The following PRKX variants were observed in gnomAD, a reference collection of about 807,000 sequenced individuals.
The protein encoded by PRKX is cAMP-dependent protein kinase catalytic subunit PRKX.
PRKX carries 12 observed loss-of-function variants against 22.0 expected under a neutral mutation model. The observed-to-expected ratio is 0.54, with a 90% CI of 0.35 to 0.88. The LOEUF is 0.88. PRKX is among the 40% of genes least tolerant of loss of function. PRKX has a pLI of 0.01. For synonymous variants in PRKX, 134 were observed against 137.7 expected (o/e 0.97, Z 0.19); for missense variants, 217 against 308.0 (o/e 0.70, Z 2.21).
chrX:3,609,707 C>T (rs1485906820), intron 8 of PRKX, among the ~76,000 whole-genome samples: 1 of 111,448 alleles, frequency 9.0e-6, no homozygotes, highest in Non-Finnish European at 1.9e-5. Flanking sequence ...CCTCCCAACT[C>T]GGCCTCCCAA....
At chrX:3,704,100 G>A (rs1389251957) in intron 1 of PRKX, among the ~76,000 whole-genome samples, 1 of 111,946 alleles carries the variant, frequency 8.9e-6, no homozygotes, top group Non-Finnish European at 1.9e-5. Context: ...GCACAGAATC[G>A]GAGACGCCGG....
intron 5 of PRKX, among the ~76,000 whole-genome samples, chrX:3,623,833 G>A (rs893859836): frequency 4.5e-5 from 5 of 111,422 alleles, no homozygotes; most frequent in Admixed American, 9.6e-5. Flanking sequence ...AAAAAACACC[G>A]GCAGATAATA....
chrX:3,662,694 CAAAAAAAAAA>C lies in PRKX; in HGVS notation c.336-7292_336-7283del, dbSNP rs55726241. ...TGGGGGACAGAGTGAGACTCCATCT[CAAAAAAAAAA>C]AAAAAAAAAAATTAAAAATTAGGTG... On this transcript the variant is annotated intron_variant, in intron 2 of 8. Coordinates refer to ENST00000262848, the MANE Select transcript of PRKX (RefSeq NM_005044.5). 1.8e-4 allele frequency among the ~76,000 whole-genome samples: 8 copies of C among 44,231 alleles called. No individual in the cohort carries two copies. The East Asian group carries it at 5.4e-3, about 30-fold the overall frequency. The allele number at this position is 44,231 out of a possible 115,157, so 38.4% of individuals were successfully genotyped here.
At chrX:3,708,014 G>A (rs780272586) in intron 1 of PRKX, among the ~76,000 whole-genome samples, 2 of 112,068 alleles carry the variant, frequency 1.8e-5, no homozygotes, top group African/African-American at 6.5e-5. Context: ...AGACAGGGTG[G>A]GGATGCCGTG....
intron 4 of PRKX, among the ~76,000 whole-genome samples, chrX:3,631,385 G>T (rs1362079195): frequency 8.9e-6 from 1 of 112,771 alleles, no homozygotes; most frequent in Non-Finnish European, 1.9e-5. Context: ...ACACAGAGGA[G>T]AAGGCCACAT....
chrX:3,678,242 T>C (rs1482724833), intron 1 of PRKX, among the ~76,000 whole-genome samples: 1 of 112,216 alleles, frequency 8.9e-6, no homozygotes, highest in African/African-American at 3.2e-5. Flanking sequence ...TGCATATTAT[T>C]AGGAAACATT....
At chrX:3,612,844 T>C (rs1926326696) in intron 7 of PRKX, among the ~76,000 whole-genome samples, 1 of 110,416 alleles carries the variant, frequency 9.1e-6, no homozygotes, top group South Asian at 3.9e-4. Flanking sequence ...TGGAATACAA[T>C]GCAGTATTTT....
intron 1 of PRKX, among the ~76,000 whole-genome samples, chrX:3,703,582 G>A (rs1928621671): frequency 6.3e-5 from 7 of 110,610 alleles, no homozygotes; most frequent in Non-Finnish European, 1.1e-4. Flanking sequence ...AGGGTAGGGT[G>A]AGTCTCCTGG....
At chrX:3,643,311 C>G (rs990325385) in intron 3 of PRKX, among the ~76,000 whole-genome samples, 13 of 111,631 alleles carry the variant, frequency 1.2e-4, no homozygotes, top group African/African-American at 4.2e-4. Flanking sequence ...TACACTAGAC[C>G]TCGCTCTTGC....
chrX:3,614,181 G>A (rs1448663944), intron 7 of PRKX, among the ~76,000 whole-genome samples: 1 of 112,246 alleles, frequency 8.9e-6, no homozygotes, highest in African/African-American at 3.2e-5. Context: ...ACCACGAATG[G>A]AATGGGAGAC....
At position 3,607,412 on chromosome X, in the gene PRKX, C is replaced by T. The variant is rs767096124; in HGVS notation, c.*1557G>A. 3 of 111,596 alleles carry T rather than the reference C, an allele frequency of 2.7e-5. No homozygotes were observed. Among genetic ancestry groups the T allele is most frequent in the Non-Finnish European group, 5.6e-5 (3 of 53,169 alleles). 9.2% of individuals were successfully genotyped at this position (111,596 alleles called of 1,213,427 possible). On this transcript the variant is annotated 3_prime_UTR_variant, in exon 9 of 9. Transcript: ENST00000262848. The stretch of plus-strand genomic sequence containing the variant: ...ACGGTAAAACTGATGGGAAACCGCA[C>T]GCTAAATGTTTAGGCAGCGATGGCC...
chrX:3,648,608 G>C (rs1357084670), intron 3 of PRKX, among the ~76,000 whole-genome samples: 5 of 47,728 alleles, frequency 1.0e-4, no homozygotes, highest in African/African-American at 2.1e-4. Context: ...CTCTACTCCT[G>C]TGTGTGTGTG....
intron 6 of PRKX, among the ~76,000 whole-genome samples, chrX:3,617,304 C>T (rs763241982): frequency 8.3e-5 from 9 of 108,826 alleles, no homozygotes; most frequent in Non-Finnish European, 1.3e-4. Flanking sequence ...ATGTATATAC[C>T]GAGATTCACA....
intron 2 of PRKX, among the ~76,000 whole-genome samples, chrX:3,666,911 T>TTTAAA (rs1555896018): frequency 1.5e-5 from 1 of 65,777 alleles, no homozygotes; most frequent in East Asian, 4.4e-4. Flanking sequence ...TCATTTCTTT[T>TTTAAA]AAAAAAAAAA....
intron 4 of PRKX, among the ~76,000 whole-genome samples, chrX:3,635,137 C>A (rs749125412): frequency 9.0e-6 from 1 of 110,544 alleles, no homozygotes; most frequent in Admixed American, 9.5e-5. Flanking sequence ...TCAGTCTCTA[C>A]TTTAATTTCA....
intron 1 of PRKX, among the ~76,000 whole-genome samples, chrX:3,685,543 C>T (rs1260104347): frequency 9.0e-6 from 1 of 110,992 alleles, no homozygotes; most frequent in Non-Finnish European, 1.9e-5. Flanking sequence ...GAATAATAAA[C>T]GTAGTAAATG....
At chrX:3,639,577 T>G (rs1486214680) in intron 4 of PRKX, among the ~76,000 whole-genome samples, 5 of 88,655 alleles carry the variant, frequency 5.6e-5, no homozygotes, top group Admixed American at 1.3e-4. Flanking sequence ...GGGGGGTAGG[T>G]GGGTGGATGG....
At chrX:3,660,441 G>T (rs1190551787) in intron 2 of PRKX, among the ~76,000 whole-genome samples, 1 of 111,626 alleles carries the variant, frequency 9.0e-6, no homozygotes. Flanking sequence ...ACTTCCCTAT[G>T]GCTCAAATAT....
At chrX:3,699,046 T>A (rs1195473984) in intron 1 of PRKX, among the ~76,000 whole-genome samples, 1 of 103,787 alleles carries the variant, frequency 9.6e-6, no homozygotes, top group African/African-American at 3.7e-5. Context: ...TTATTTTATT[T>A]TTTTTTTTGA....
Sources: allele counts gnomAD v4.1 joint callset (sites outside exome capture counted in the v4.1 genomes callset), GRCh38; gene constraint gnomAD v4.1.1; transcripts MANE v1.5; gene names NCBI Gene and HGNC (gene_info 2026-07-23, HGNC 2026-07-21).